Variants in TRNT1 observed in about 807,000 individuals in gnomAD.
The protein encoded by TRNT1 is tRNA nucleotidyl transferase 1.
TRNT1 carries 44 observed loss-of-function variants against 45.6 expected under a neutral mutation model. That is an observed-to-expected ratio of 0.97 (90% CI 0.76 to 1.24). TRNT1 has a LOEUF of 1.24. Ranked by LOEUF, TRNT1 falls within the 50% of genes most tolerant of loss-of-function variation. TRNT1 has a pLI of 0.00. For synonymous variants in TRNT1, 201 were observed against 171.4 expected, an observed-to-expected ratio of 1.17 and a Z score of -1.35; for missense variants, 633 against 504.4, an observed-to-expected ratio of 1.25 and a Z score of -2.44.
intron 1 of TRNT1, 134 bp downstream of exon 1, chr3:3,127,124 T>G (rs915517236): frequency 6.6e-6 from 1 of 152,254 alleles, no homozygotes; most frequent in Non-Finnish European, 1.5e-5. Context: ...GCGAGAGGCC[T>G]CCTCAGCAGT....
rs745817126 is a variant in TRNT1 at position 3,146,459 on chromosome 3, G to C, written c.638G>C (p.Gly213Ala). 45 of 1,613,170 alleles carry C rather than the reference G, an allele frequency of 2.8e-5. 1 individual carries two copies. The highest frequency in any genetic ancestry group is 1.7e-4 in the Middle Eastern group (1 of 6,054). Residue 213 changes from glycine to alanine, a missense_variant, in exon 6 of 8, where the codon GGT becomes GCT. Physicochemically the swap from Gly to Ala is moderately conservative, Grantham distance 60 (BLOSUM62 0). Transcript: ENST00000251607. ...RFYGRIVDKP[G>A]DHDPETLEAI... ...TATGGGAGAATTGTAGACAAACCTG[G>C]TGACCATGATCCTGAGACTTTGGAA...
rs757309432 is a variant in TRNT1, at chr3:3,140,505, T to C, written c.343-5T>C. On this transcript the variant is annotated splice_polypyrimidine_tract_variant and splice_region_variant and intron_variant, in intron 3 of 7. Coordinates refer to ENST00000251607, the MANE Select transcript of TRNT1 (RefSeq NM_182916.3). ...ACAACAAAAACCCCATGTATTTAAT[T>C]GCAGCTTCATGAAGAAAATTTTGAG... The C allele has an allele frequency of 6.2e-7, 1 of 1,611,274 alleles. No individual in the cohort carries two copies. The highest frequency in any genetic ancestry group is 8.5e-7 in the Non-Finnish European group (1 of 1,178,748).
intron 3 of TRNT1, among the ~76,000 whole-genome samples, chr3:3,139,297 A>C (rs1705499981): frequency 6.6e-6 from 1 of 152,218 alleles, no homozygotes; most frequent in Non-Finnish European, 1.5e-5. Context: ...CTTTGCCTTC[A>C]GAGATACTTG....
intron 1 of TRNT1, among the ~76,000 whole-genome samples, chr3:3,128,221 C>G (rs1458458789): frequency 6.6e-6 from 1 of 152,150 alleles, no homozygotes. Context: ...CCTCAGACCC[C>G]TAATAAACTT....
chr3:3,151,476 G>C (rs1042678221), downstream of TRNT1, among the ~76,000 whole-genome samples: 4 of 140,852 alleles, frequency 2.8e-5, no homozygotes, highest in Admixed American at 3.0e-4. Context: ...GGGCCAGGAA[G>C]GACACGTCTC....
chr3:3,144,535 ATTC>A (rs1705857991), intron 4 of TRNT1, 46 bp from the exon 5 acceptor site: 15 of 1,532,434 alleles, frequency 9.8e-6, no homozygotes, highest in Admixed American at 2.0e-5. Flanking sequence ...GTGTTTTCAA[ATTC>A]TTATTTGCCA....
intron 6 of TRNT1, 45 bp downstream of exon 6, chr3:3,146,668 T>C (rs767659325): frequency 6.8e-6 from 10 of 1,473,982 alleles, no homozygotes; most frequent in East Asian, 2.4e-5. Flanking sequence ...CAGTGAAATA[T>C]CTGGTTTCAA....
chr3:3,141,354 C>T (rs758304563), intron 4 of TRNT1, among the ~76,000 whole-genome samples: 1 of 152,192 alleles, frequency 6.6e-6, no homozygotes, highest in Non-Finnish European at 1.5e-5. Context: ...CACACACACA[C>T]CCAGGATCAT....
At chr3:3,151,078 A>G, downstream of TRNT1, 1 of 1,609,368 alleles carries the variant, frequency 6.2e-7, no homozygotes, top group Non-Finnish European at 8.5e-7. Flanking sequence ...CAGCTAAGGA[A>G]ACATTTCTGT....
chr3:3,134,606 G>C (rs1457145776), intron 2 of TRNT1, among the ~76,000 whole-genome samples: 1 of 152,092 alleles, frequency 6.6e-6, no homozygotes, highest in Admixed American at 6.6e-5. Context: ...TTTATAGTAA[G>C]TTCAAGTGAA....
At chr3:3,144,796 G>T (rs562229293) in intron 5 of TRNT1, 86 bp downstream of exon 5, 24 of 1,316,676 alleles carry the variant, frequency 1.8e-5, no homozygotes, top group Admixed American at 1.5e-4. Context: ...CAGCAGGTCA[G>T]TGTACAAAAT....
At chr3:3,147,376 G>C (rs2306767) in intron 6 of TRNT1, 74 bp from the exon 7 acceptor site, 4 of 1,532,250 alleles carry the variant, frequency 2.6e-6, no homozygotes, top group East Asian at 2.3e-5. Context: ...ATACTAAAAT[G>C]GTGGCAAGGT....
In TRNT1 at chr3:3,144,507, T is replaced by C. The variant is rs1008293749; in HGVS notation, c.482-77T>C. ...GCTGAATTTTTACTGTTTGTGATAG[T>C]GTTTAGCTGATTTTCTTGTGTTTTC... On this transcript the variant is annotated intron_variant, in intron 4 of 7. Transcript: ENST00000251607. The C allele has an allele frequency of 9.4e-5, 129 of 1,370,878 alleles. 1 individual carries two copies. The highest frequency in any genetic ancestry group is 1.2e-4 in the Non-Finnish European group (121 of 987,234). 84.9% of individuals were successfully genotyped at this position (1,370,878 alleles called of 1,614,324 possible). A position where few individuals can be genotyped will look rare whatever the true frequency, so the allele number is the denominator to read the frequency against.
chr3:3,148,375 A>G lies in TRNT1; in HGVS notation c.*221A>G. ...CACTGAAATGTACAGTTCTTTTGGA[A>G]TAGTTTCACCTGAGAAAACATAGTT... is the stretch of plus-strand genomic sequence containing the variant. On this transcript the variant is annotated 3_prime_UTR_variant, in exon 8 of 8. Coordinates refer to ENST00000251607, the MANE Select transcript of TRNT1 (RefSeq NM_182916.3). 2.2e-6 allele frequency: 1 copy of G among 458,988 alleles called. No homozygotes were observed. The highest frequency in any genetic ancestry group is 3.8e-6 in the Non-Finnish European group (1 of 261,800). The allele number at this position is 458,988 out of a possible 1,614,324, so 28.4% of individuals were successfully genotyped here. A position where few individuals can be genotyped will look rare whatever the true frequency, so the allele number is the denominator to read the frequency against.
intron 4 of TRNT1, among the ~76,000 whole-genome samples, chr3:3,142,385 C>T (rs1256245292): frequency 6.6e-6 from 1 of 152,114 alleles, no homozygotes; most frequent in Admixed American, 6.5e-5. Flanking sequence ...GCTATTTAAC[C>T]GATGGTAACT....
chr3:3,142,054 A>G (rs1409159146), intron 4 of TRNT1, among the ~76,000 whole-genome samples: 2 of 152,228 alleles, frequency 1.3e-5, no homozygotes, highest in Non-Finnish European at 2.9e-5. Flanking sequence ...TAGGCAATAT[A>G]TGACCATAGA....
At chr3:3,146,306 T>C in intron 5 of TRNT1, 124 bp from the exon 6 acceptor site, 1 of 641,708 alleles carries the variant, frequency 1.6e-6, no homozygotes, top group Non-Finnish European at 2.5e-6. Context: ...CTTCTAGACC[T>C]AACTAATTAT....
Position 3,148,406 on chromosome 3 carries a change from TTATC to T in TRNT1, c.*258_*261del. On this transcript the variant is annotated 3_prime_UTR_variant, in exon 8 of 8. Transcript: ENST00000251607. The stretch of plus-strand genomic sequence containing the variant: ...TCACCTGAGAAAACATAGTTGGCTA[TTATC>T]TATCTTAACCTGTTCAGGCTTTTAA... 2.6e-6 allele frequency: 1 copy of T among 380,070 alleles called. No homozygotes were observed. The highest frequency in any genetic ancestry group is 4.8e-6 in the Non-Finnish European group (1 of 210,182). The allele number at this position is 380,070 out of a possible 1,614,324, so 23.5% of individuals were successfully genotyped here. A position where few individuals can be genotyped will look rare whatever the true frequency, so the allele number is the denominator to read the frequency against.
chr3:3,144,703 T>C lies in TRNT1; in HGVS notation c.601T>C (p.Tyr201His). Residue 201 changes from tyrosine (Y) to histidine (H), a missense_variant, in exon 5 of 8, where the codon TAC becomes CAC. Coordinates refer to ENST00000251607, the MANE Select transcript of TRNT1 (RefSeq NM_182916.3). ...AGAGGATTATCTTAGAATTTTAAGA[T>C]ACTTCAGGTAAGAATTTTTAAAAAT... Reference protein sequence around the residue: ...IQEDYLRILRYFRFYGRIVDK... With the variant: ...IQEDYLRILRHFRFYGRIVDK... 6.5e-7 allele frequency: 1 copy of C among 1,532,408 alleles called. No individual in the cohort carries two copies. 94.9% of individuals were successfully genotyped at this position (1,532,408 alleles called of 1,614,324 possible).
Sources: gnomAD v4.1 joint callset for allele counts (sites outside exome capture counted in the v4.1 genomes callset) on GRCh38, gnomAD v4.1.1 for gene constraint, MANE v1.5 for transcripts, NCBI Gene and HGNC (gene_info 2026-07-23, HGNC 2026-07-21) for gene names.